The following C1orf141 variants were observed in gnomAD, a reference collection of about 807,000 sequenced individuals.
C1orf141 encodes the protein chromosome 1 open reading frame 141.
A neutral mutation model predicts 23.2 loss-of-function variants in C1orf141; 19 were observed. The observed-to-expected ratio is 0.82, with a 90% CI of 0.57 to 1.20. The LOEUF (loss-of-function observed/expected upper bound fraction) is 1.20. Among genes scored for constraint, C1orf141 ranks in the 50% most tolerant of loss-of-function variants. C1orf141 has a pLI of 0.00. For synonymous variants in C1orf141, 153 were observed against 154.6 expected (o/e 0.99, Z 0.08); for missense variants, 469 against 455.1 (o/e 1.03, Z -0.28).
chr1:67,134,193 G>T (rs577150346), intron 1 of C1orf141, among the ~76,000 whole-genome samples: 1 of 152,228 alleles, frequency 6.6e-6, no homozygotes, highest in African/African-American at 2.4e-5. Flanking sequence ...TAGTAGAGAC[G>T]GGGTTTCGCC....
At chr1:67,105,922 A>G (rs1434883078) in intron 5 of C1orf141, among the ~76,000 whole-genome samples, 1 of 152,154 alleles carries the variant, frequency 6.6e-6, no homozygotes, top group Non-Finnish European at 1.5e-5. Context: ...GAAAGTGAGA[A>G]AGGAATGCTA....
intron 4 of C1orf141, among the ~76,000 whole-genome samples, chr1:67,119,172 T>C (rs1646254193): frequency 6.6e-6 from 1 of 152,198 alleles, no homozygotes; most frequent in Non-Finnish European, 1.5e-5. Context: ...TCCATTTTCT[T>C]AGAGACTCCA....
intron 5 of C1orf141, among the ~76,000 whole-genome samples, 171 bp downstream of exon 5, chr1:67,115,181 C>G (rs915374971): frequency 3.3e-5 from 5 of 152,202 alleles, no homozygotes; most frequent in African/African-American, 1.2e-4. Context: ...ATTGTCCATT[C>G]TGATATTTAA....
At chr1:67,097,864 C>A (rs541881763) in intron 5 of C1orf141, among the ~76,000 whole-genome samples, 1 of 152,176 alleles carries the variant, frequency 6.6e-6, no homozygotes, top group African/African-American at 2.4e-5. Context: ...AGAGGGAGAT[C>A]CAACTTTTTC....
At chr1:67,133,723 T>C (rs1646551316) in intron 1 of C1orf141, among the ~76,000 whole-genome samples, 1 of 152,098 alleles carries the variant, frequency 6.6e-6, no homozygotes, top group Non-Finnish European at 1.5e-5. Context: ...ACACCGAGGA[T>C]ACACAGAGGA....
intron 3 of C1orf141, among the ~76,000 whole-genome samples, chr1:67,126,726 C>T (rs1646421579): frequency 6.6e-6 from 1 of 152,184 alleles, no homozygotes; most frequent in South Asian, 2.1e-4. Context: ...GGCTGAGGTG[C>T]AGGGAGGAGA....
intron 1 of C1orf141, among the ~76,000 whole-genome samples, chr1:67,132,301 CT>C (rs1255778226): frequency 1.3e-5 from 2 of 151,998 alleles, no homozygotes; most frequent in African/African-American, 4.8e-5. Context: ...AGGTGGATCA[CT>C]TCAAGTCAGG....
chr1:67,138,427 T>C (rs1646604148), upstream of C1orf141, among the ~76,000 whole-genome samples: 1 of 152,252 alleles, frequency 6.6e-6, no homozygotes, highest in African/African-American at 2.4e-5. Context: ...TTCTGGCTCT[T>C]TGAAACATTC....
Position 67,125,801 on chromosome 1 carries a change from T to A in C1orf141, c.184A>T (p.Ile62Leu). 6.2e-7 allele frequency: 1 copy of A among 1,614,042 alleles called. No individual in the cohort carries two copies. Among genetic ancestry groups the A allele is most frequent in the South Asian group, 1.1e-5 (1 of 91,088 alleles). The change falls in exon 4 of 8, where the codon ATA becomes TTA. Residue 62 changes from isoleucine (I) to leucine (L), a missense_variant. Coordinates refer to ENST00000684719, the MANE Select transcript of C1orf141 (RefSeq NM_001276351.2). Reference protein sequence around the residue: ...EALATSASKAISKIKEDKSCS... With the variant: ...EALATSASKALSKIKEDKSCS... ...GACTTGTCTTCTTTGATCTTTGATA[T>A]TGCCTTAGACGCGGATGTAGCAAGA...
chr1:67,093,107 G>A lies in C1orf141; in HGVS notation c.1101C>T (p.Val367=). ...ATTTAAAAGGCTTTGAGTAACATTT[G>A]ACAGGTAAGGCACTGGATGTGGGTA... is the stretch of plus-strand genomic sequence containing the variant. ...TSIPTSSALP[V]KCYSKPFKYI... Residue 367 remains valine, a synonymous_variant, in exon 8 of 8, where the codon GTC becomes GTT. Coordinates refer to ENST00000684719, the MANE Select transcript of C1orf141 (RefSeq NM_001276351.2). 1 of 1,613,634 alleles carries A rather than the reference G, an allele frequency of 6.2e-7. No individual in the cohort carries two copies. Among genetic ancestry groups the A allele is most frequent in the Non-Finnish European group, 8.5e-7 (1 of 1,179,622 alleles).
At chr1:67,133,718 G>C (rs931292274) in intron 1 of C1orf141, among the ~76,000 whole-genome samples, 2 of 152,106 alleles carry the variant, frequency 1.3e-5, no homozygotes, top group South Asian at 4.1e-4. Flanking sequence ...TTGGGACACC[G>C]AGGATACACA....
chr1:67,117,721 G>A (rs989199975), intron 4 of C1orf141, among the ~76,000 whole-genome samples: 1 of 152,160 alleles, frequency 6.6e-6, no homozygotes, highest in East Asian at 1.9e-4. Flanking sequence ...ATATAGTCTT[G>A]TTAAGGAGGT....
At chr1:67,109,213 G>T (rs1430947822) in intron 5 of C1orf141, among the ~76,000 whole-genome samples, 1 of 151,664 alleles carries the variant, frequency 6.6e-6, no homozygotes, top group Non-Finnish European at 1.5e-5. Context: ...TGTAGTCCCA[G>T]CTACTCGGGA....
At chr1:67,125,405 ACT>A in intron 4 of C1orf141, among the ~76,000 whole-genome samples, 1 of 152,300 alleles carries the variant, frequency 6.6e-6, no homozygotes, top group Admixed American at 6.5e-5. Flanking sequence ...ATGTTTTAAA[ACT>A]CTGAACTGGA....
rs1645582074 is a variant in C1orf141, at chr1:67,092,824, A to G, written c.*181T>C. On this transcript the variant is annotated 3_prime_UTR_variant, in exon 8 of 8. Coordinates refer to ENST00000684719, the MANE Select transcript of C1orf141 (RefSeq NM_001276351.2). Reference sequence around the variant, plus strand: ...AATTATTTCCTAATTTTGTCCTACTATTTTCTAAAAATGTTGATTGTTCTT... The same window carrying G: ...AATTATTTCCTAATTTTGTCCTACTGTTTTCTAAAAATGTTGATTGTTCTT... The G allele has an allele frequency of 3.8e-5, 17 of 442,120 alleles. No individual in the cohort carries two copies. In the South Asian group the frequency reaches 5.9e-4, roughly 15 times the overall value. The allele number at this position is 442,120 out of a possible 1,614,324, so 27.4% of individuals were successfully genotyped here.
intron 1 of C1orf141, among the ~76,000 whole-genome samples, chr1:67,133,215 A>G (rs1334040928): frequency 1.3e-5 from 2 of 152,266 alleles, no homozygotes; most frequent in East Asian, 1.9e-4. Context: ...AGTTCTAAAC[A>G]ACTCAGGAAA....
intron 1 of C1orf141, among the ~76,000 whole-genome samples, chr1:67,141,069 A>G (rs1049449165): frequency 3.3e-5 from 5 of 152,202 alleles, no homozygotes; most frequent in African/African-American, 1.2e-4. Context: ...AGAGGTATGA[A>G]GAAATACGTA....
At chr1:67,096,363 C>G in intron 5 of C1orf141, 42 bp from the exon 6 acceptor site, 1 of 988,704 alleles carries the variant, frequency 1.0e-6, no homozygotes, top group Non-Finnish European at 1.5e-6. Context: ...CATAGATATT[C>G]TGACATTTAG....
intron 5 of C1orf141, chr1:67,113,802 A>C: frequency 1.2e-6 from 1 of 847,152 alleles, no homozygotes; most frequent in Non-Finnish European, 1.7e-6. Flanking sequence ...TTTTGCTACC[A>C]TTATGGAAGG....
Sources: allele counts gnomAD v4.1 joint callset (sites outside exome capture counted in the v4.1 genomes callset), GRCh38; gene constraint gnomAD v4.1.1; transcripts MANE v1.5; gene names NCBI Gene and HGNC (gene_info 2026-07-23, HGNC 2026-07-21).